DLGAP1: variants seen among roughly 807,000 people sequenced by gnomAD.
The protein encoded by DLGAP1 is DLG associated protein 1.
Under a neutral mutation model 90.8 loss-of-function variants are expected in DLGAP1, and 11 were observed. The observed-to-expected ratio is 0.12, with a 90% CI of 0.08 to 0.20. DLGAP1 has a LOEUF of 0.20. Ranked by LOEUF, DLGAP1 falls within the 10% of genes least tolerant of loss-of-function variation. DLGAP1 has a pLI of 1.00. For synonymous variants in DLGAP1, 558 were observed against 540.7 expected, an observed-to-expected ratio of 1.03 and a Z score of -0.44; for missense variants, 1,050 against 1,333.8, an observed-to-expected ratio of 0.79 and a Z score of 3.31.
chr18:4,236,667 C>G (rs2078422911), intron 1 of DLGAP1, among the ~76,000 whole-genome samples: 1 of 151,656 alleles, frequency 6.6e-6, no homozygotes, highest in Non-Finnish European at 1.5e-5. Context: ...GTTGTTTATT[C>G]CCCATGTTGA....
At chr18:4,019,910 A>G (rs1017806531) in intron 2 of DLGAP1, among the ~76,000 whole-genome samples, 5 of 152,216 alleles carry the variant, frequency 3.3e-5, no homozygotes, top group Admixed American at 1.3e-4. Context: ...AGGGCATATA[A>G]TTTTATATAT....
intron 2 of DLGAP1, among the ~76,000 whole-genome samples, chr18:4,075,180 T>C (rs2075504999): frequency 6.6e-6 from 1 of 152,198 alleles, no homozygotes; most frequent in Non-Finnish European, 1.5e-5. Flanking sequence ...TTACATTTTT[T>C]AAGAAATCAG....
At chr18:4,272,572 C>T (rs1356113975) in intron 1 of DLGAP1, among the ~76,000 whole-genome samples, 5 of 152,078 alleles carry the variant, frequency 3.3e-5, no homozygotes, top group African/African-American at 9.7e-5. Flanking sequence ...CTGAGTAATT[C>T]CAGGCTATTT....
At position 3,729,058 on chromosome 18, in the gene DLGAP1, G is replaced by A; in HGVS notation, c.1591+77C>T. 2 of 1,517,340 alleles carry A rather than the reference G, an allele frequency of 1.3e-6. No homozygotes were observed. Among genetic ancestry groups the A allele is most frequent in the Non-Finnish European group, 1.8e-6 (2 of 1,133,568 alleles). The allele number at this position is 1,517,340 out of a possible 1,614,324, so 94.0% of individuals were successfully genotyped here. A position where few individuals can be genotyped will look rare whatever the true frequency, so the allele number is the denominator to read the frequency against. ...TTCCTGGCAACTATGTGTGTTGACA[G>A]CAAGGGCACAGTCTTTGGGGACAGT... On this transcript the variant is annotated intron_variant, in intron 7 of 12. Transcript: ENST00000315677. This position sits in a 1 kb window ranked among gnomAD's most constrained non-coding sequence, Gnocchi z 6.2.
chr18:3,830,970 TA>T (rs2068000958), intron 4 of DLGAP1, among the ~76,000 whole-genome samples: 1 of 152,216 alleles, frequency 6.6e-6, no homozygotes, highest in Non-Finnish European at 1.5e-5. Flanking sequence ...AGAAATAAAG[TA>T]TGGACACCTT....
chr18:3,966,173 G>A (rs1476531585), intron 3 of DLGAP1, among the ~76,000 whole-genome samples: 1 of 152,078 alleles, frequency 6.6e-6, no homozygotes, highest in Non-Finnish European at 1.5e-5. Flanking sequence ...GGGAACAGCA[G>A]CTAGAAAGGG....
At chr18:3,754,422 A>T (rs987306175) in intron 5 of DLGAP1, among the ~76,000 whole-genome samples, 5 of 150,294 alleles carry the variant, frequency 3.3e-5, no homozygotes, top group African/African-American at 4.9e-5. Context: ...ATGTATTGAA[A>T]TTTTTTTTTT....
At chr18:3,891,957 G>GCATA (rs2071472814) in intron 3 of DLGAP1, 1 of 151,834 alleles carries the variant, frequency 6.6e-6, no homozygotes. Context: ...TGCCCAGGCT[G>GCATA]GTCTCGAGCT....
intron 3 of DLGAP1, among the ~76,000 whole-genome samples, chr18:3,992,230 T>A (rs1172554204): frequency 1.3e-5 from 2 of 152,244 alleles, no homozygotes; most frequent in African/African-American, 4.8e-5. Context: ...GTTTGGAACA[T>A]CCTTGGCCAG....
intron 6 of DLGAP1, among the ~76,000 whole-genome samples, chr18:3,730,001 T>A (rs1292971386): frequency 1.3e-5 from 2 of 152,214 alleles, no homozygotes; most frequent in Non-Finnish European, 2.9e-5. Context: ...TACTCACGTT[T>A]TGCACAAAAA....
intron 1 of DLGAP1, among the ~76,000 whole-genome samples, chr18:4,268,796 CAT>C (rs2079189117): frequency 6.6e-6 from 1 of 152,046 alleles, no homozygotes. Context: ...TGCTTGAAAA[CAT>C]ATAAAAACCA....
At chr18:3,708,230 T>C (rs2061496993) in intron 7 of DLGAP1, 1 of 358,052 alleles carries the variant, frequency 2.8e-6, no homozygotes. Context: ...TGGTCTTGAA[T>C]GCTTGACTTC....
chr18:4,401,211 C>T (rs151044730), intron 1 of DLGAP1, among the ~76,000 whole-genome samples: 35 of 152,296 alleles, frequency 2.3e-4, no homozygotes, highest in African/African-American at 6.3e-4. Flanking sequence ...TTATAGCTCA[C>T]AACACAAAAC....
chr18:4,360,161 T>C (rs530849407), intron 1 of DLGAP1, among the ~76,000 whole-genome samples: 1 of 152,222 alleles, frequency 6.6e-6, no homozygotes, highest in African/African-American at 2.4e-5. Flanking sequence ...AGAGGAAGAA[T>C]ATAGACAGAA....
At chr18:4,143,442 C>T (rs12958485) in intron 2 of DLGAP1, among the ~76,000 whole-genome samples, 17,284 of 151,568 alleles carry the variant, frequency 0.11, 1,065 homozygotes, top group East Asian at 0.18. Context: ...CTGGTGGTCA[C>T]TCAAGGTCCA....
At chr18:4,196,816 ATCTT>A (rs1266403730) in intron 1 of DLGAP1, among the ~76,000 whole-genome samples, 14 of 152,318 alleles carry the variant, frequency 9.2e-5, no homozygotes, top group Admixed American at 8.5e-4. Flanking sequence ...TTTGTGACAC[ATCTT>A]AAAACTTTTC....
chr18:4,279,027 T>C (rs1445844839), intron 1 of DLGAP1, among the ~76,000 whole-genome samples: 1 of 152,254 alleles, frequency 6.6e-6, no homozygotes, highest in Non-Finnish European at 1.5e-5. Context: ...GTCTATTTTC[T>C]GGCTGAGAGA....
chr18:3,634,666 T>C (rs1599646865), intron 7 of DLGAP1, among the ~76,000 whole-genome samples: 1 of 152,222 alleles, frequency 6.6e-6, no homozygotes, highest in South Asian at 2.1e-4. Context: ...AACTGGTTCA[T>C]GGATTATTAA....
intron 2 of DLGAP1, among the ~76,000 whole-genome samples, chr18:4,136,343 C>T (rs773205897): frequency 1.1e-4 from 17 of 152,128 alleles, no homozygotes; most frequent in South Asian, 2.1e-4. Context: ...AGTGGTTGTA[C>T]GAATGTACAT....
Sources: gnomAD v4.1 joint callset for allele counts (sites outside exome capture counted in the v4.1 genomes callset) on GRCh38, gnomAD v4.1.1 for gene constraint, Gnocchi (gnomAD v3.1) non-coding constraint, MANE v1.5 for transcripts, NCBI Gene and HGNC (gene_info 2026-07-23, HGNC 2026-07-21) for gene names.